INTS14: variants seen among roughly 807,000 people sequenced by gnomAD.
INTS14 encodes UPF0464 protein C15orf44.
INTS14 carries 27 observed loss-of-function variants against 56.9 expected under a neutral mutation model. The ratio of observed to expected loss-of-function variants is 0.47; its 90% confidence interval spans 0.35 to 0.65. INTS14 has a LOEUF of 0.65. INTS14 is among the 30% of genes least tolerant of loss of function. The pLI is 0.00. For synonymous variants in INTS14, 207 were observed against 236.2 expected, an observed-to-expected ratio of 0.88 and a Z score of 1.13; for missense variants, 517 against 632.2, an observed-to-expected ratio of 0.82 and a Z score of 1.95.
intron 3 of INTS14, among the ~76,000 whole-genome samples, chr15:65,601,870 T>A (rs2073447328): frequency 6.6e-6 from 1 of 152,192 alleles, no homozygotes; most frequent in Non-Finnish European, 1.5e-5. Context: ...TCACGTAATG[T>A]CAAAATGAAA....
rs375650943 is a variant in INTS14, at chr15:65,591,782, C to T, written c.987-51G>A. 2.1e-5 allele frequency: 33 copies of T among 1,595,286 alleles called. 1 individual carries two copies. The African/African-American group carries it at 4.4e-4, about 21-fold the overall frequency. ...AGAAGAACATCAAGCCTGAGACTGTCAAGTTAAATAAGTCTAGCCTGTATT... is the reference window on the plus strand; with the variant it reads ...AGAAGAACATCAAGCCTGAGACTGTTAAGTTAAATAAGTCTAGCCTGTATT... On this transcript the variant is annotated intron_variant, in intron 8 of 11. Coordinates refer to ENST00000313182, the MANE Select transcript of INTS14 (RefSeq NM_001394796.1).
chr15:65,606,539 G>A (rs1367771411), intron 2 of INTS14, among the ~76,000 whole-genome samples: 1 of 152,024 alleles, frequency 6.6e-6, no homozygotes, highest in East Asian at 1.9e-4. Flanking sequence ...ACAGGCGTGA[G>A]CCACCACACC....
intron 9 of INTS14, among the ~76,000 whole-genome samples, chr15:65,587,535 G>T (rs2072871162): frequency 6.6e-6 from 1 of 152,180 alleles, no homozygotes; most frequent in Non-Finnish European, 1.5e-5. Context: ...ATGTAACAAG[G>T]ACTGAATACT....
At chr15:65,582,081 TAAA>T in intron 10 of INTS14, 62 bp from the exon 11 acceptor site, 1 of 1,369,496 alleles carries the variant, frequency 7.3e-7, no homozygotes, top group Admixed American at 2.1e-5. Flanking sequence ...GGAAATAATA[TAAA>T]AGAATGGATC....
intron 6 of INTS14, 106 bp downstream of exon 6, chr15:65,598,215 A>G (rs139910286): frequency 1.2e-5 from 14 of 1,164,042 alleles, no homozygotes; most frequent in South Asian, 1.7e-5. Flanking sequence ...ACCACAATAT[A>G]TATTTCTTTT....
At chr15:65,606,535 G>C (rs958451259) in intron 2 of INTS14, among the ~76,000 whole-genome samples, 1 of 151,610 alleles carries the variant, frequency 6.6e-6, no homozygotes, top group South Asian at 2.1e-4. Context: ...GATTACAGGC[G>C]TGAGCCACCA....
intron 8 of INTS14, 139 bp from the exon 9 acceptor site, chr15:65,591,870 A>G (rs1566923092): frequency 3.5e-6 from 3 of 858,036 alleles, no homozygotes; most frequent in Non-Finnish European, 5.2e-6. Context: ...CCAAAGCCAA[A>G]CCCTAAACCT....
chr15:65,596,182 C>T (rs1023278548), intron 6 of INTS14, among the ~76,000 whole-genome samples: 2 of 152,206 alleles, frequency 1.3e-5, no homozygotes, highest in Non-Finnish European at 1.5e-5. Context: ...GCAGCAACTA[C>T]ACTCAGCCTT....
intron 8 of INTS14, 138 bp downstream of exon 8, chr15:65,593,290 A>G (rs1015175755): frequency 2.0e-6 from 2 of 1,023,740 alleles, no homozygotes; most frequent in Non-Finnish European, 2.8e-6. Flanking sequence ...CTGTAGTAGC[A>G]GGTGGGAAAA....
At chr15:65,579,787 T>A (rs2072522438) in intron 11 of INTS14, 128 bp from the exon 12 acceptor site, 2 of 1,342,914 alleles carry the variant, frequency 1.5e-6, no homozygotes, top group Admixed American at 5.6e-5. Flanking sequence ...AGAACAAATG[T>A]TTATTTAGGG....
At chr15:65,593,962 C>A (rs2073122032) in intron 7 of INTS14, among the ~76,000 whole-genome samples, 1 of 152,138 alleles carries the variant, frequency 6.6e-6, no homozygotes, top group African/African-American at 2.4e-5. Flanking sequence ...ATACTAAAAA[C>A]CACTTTAAAT....
At chr15:65,598,500 T>C in intron 5 of INTS14, 37 bp from the exon 6 acceptor site, 1 of 1,590,298 alleles carries the variant, frequency 6.3e-7, no homozygotes, top group Non-Finnish European at 8.6e-7. Flanking sequence ...GGAAGAGTAA[T>C]ACGATACATA....
chr15:65,589,096 A>G (rs2072933085), intron 9 of INTS14, among the ~76,000 whole-genome samples: 1 of 152,232 alleles, frequency 6.6e-6, no homozygotes, highest in South Asian at 2.1e-4. Flanking sequence ...ATCAGAAAGG[A>G]GTCTGAATGC....
At chr15:65,586,711 G>C (rs1050540663) in intron 9 of INTS14, 2 of 152,126 alleles carry the variant, frequency 1.3e-5, no homozygotes, top group African/African-American at 2.4e-5. Flanking sequence ...TAAATTTGAA[G>C]ATACAGAAGA....
chr15:65,591,838 G>C (rs769634582), intron 8 of INTS14, 107 bp from the exon 9 acceptor site: 1 of 1,291,970 alleles, frequency 7.7e-7, no homozygotes, highest in Non-Finnish European at 1.0e-6. Flanking sequence ...CTTCAGCTTT[G>C]AAATCAGGCA....
chr15:65,605,275 G>GTTTTA (rs1222416274), intron 2 of INTS14, 39 bp from the exon 3 acceptor site: 1 of 1,455,890 alleles, frequency 6.9e-7, no homozygotes, highest in East Asian at 2.3e-5. Flanking sequence ...TTACTCTTTA[G>GTTTTA]TTTTAATTAG....
chr15:65,607,461 T>A lies in INTS14; in HGVS notation c.-62-19A>T. ...AGAAATGCTGCAGAAAATAAATACGTTCTTACATGTCATGGAGAGAAAATA... is the reference window on the plus strand; with the variant it reads ...AGAAATGCTGCAGAAAATAAATACGATCTTACATGTCATGGAGAGAAAATA... On this transcript the variant is annotated intron_variant, in intron 1 of 11. Transcript: ENST00000313182. 1 of 1,568,182 alleles carries A rather than the reference T, an allele frequency of 6.4e-7. No individual in the cohort carries two copies. The highest frequency in any genetic ancestry group is 8.7e-7 in the Non-Finnish European group (1 of 1,152,640).
chr15:65,606,980 G>A (rs1021116588), intron 2 of INTS14, among the ~76,000 whole-genome samples, 179 bp downstream of exon 2: 5 of 152,152 alleles, frequency 3.3e-5, no homozygotes, highest in African/African-American at 7.2e-5. Context: ...TAGCTGTACC[G>A]AAGAAACAGT....
intron 9 of INTS14, among the ~76,000 whole-genome samples, chr15:65,591,060 T>A (rs1312895086): frequency 6.6e-6 from 1 of 152,026 alleles, no homozygotes; most frequent in Non-Finnish European, 1.5e-5. Context: ...GTTATAGATT[T>A]GGGAAATGTG....
Sources: allele counts gnomAD v4.1 joint callset (sites outside exome capture counted in the v4.1 genomes callset), GRCh38; gene constraint gnomAD v4.1.1; transcripts MANE v1.5; gene names NCBI Gene and HGNC (gene_info 2026-07-23, HGNC 2026-07-21).